CSRNP3: variants seen among roughly 807,000 people sequenced by gnomAD.
CSRNP3 encodes cysteine/serine-rich nuclear protein 3.
In CSRNP3, 12 loss-of-function variants were observed where a neutral mutation model predicts 48.0. That is an observed-to-expected ratio of 0.25 (90% CI 0.16 to 0.41). CSRNP3 has a LOEUF of 0.41. CSRNP3 is among the 10% of genes least tolerant of loss of function. The probability of loss-of-function intolerance (pLI) is 1.00; values close to 1 mark genes in which losing one functional copy is unlikely to be tolerated. For missense variants in CSRNP3, 580 were observed against 724.4 expected, an observed-to-expected ratio of 0.80 and a Z score of 2.29; for synonymous variants, 263 against 269.7, an observed-to-expected ratio of 0.98 and a Z score of 0.24.
rs114436643 is a variant in CSRNP3 at position 165,611,021 on chromosome 2, G to A, written c.148+15808G>A. Among the ~76,000 whole-genome samples, 964 of 152,202 alleles carry A rather than the reference G, an allele frequency of 6.3e-3. 10 individuals are homozygous for A. The highest frequency in any genetic ancestry group is 0.022 in the African/African-American group (930 of 41,508). On this transcript the variant is annotated intron_variant, in intron 4 of 6. Transcript: ENST00000651982. ...CCAAGGCAGATAAATAAGTATTGGC[G>A]TTGGTATTTCTGGAAATTTTTCTGG...
intron 4 of CSRNP3, among the ~76,000 whole-genome samples, chr2:165,646,786 T>C (rs561800833): frequency 6.6e-6 from 1 of 152,290 alleles, no homozygotes; most frequent in South Asian, 2.1e-4. Context: ...GCTTACACCT[T>C]GGACTGCAGC....
At chr2:165,500,440 C>CGT (rs996460669) in intron 2 of CSRNP3, among the ~76,000 whole-genome samples, 2 of 112,216 alleles carry the variant, frequency 1.8e-5, no homozygotes. Flanking sequence ...CACACACACA[C>CGT]GTGTATATAT....
intron 3 of CSRNP3, among the ~76,000 whole-genome samples, chr2:165,527,556 T>C (rs1470391323): frequency 6.6e-6 from 1 of 151,942 alleles, no homozygotes; most frequent in Non-Finnish European, 1.5e-5. Flanking sequence ...GATAATTATA[T>C]ATGTACACAC....
At chr2:165,656,248 A>G (rs545386733) in intron 4 of CSRNP3, among the ~76,000 whole-genome samples, 3 of 152,178 alleles carry the variant, frequency 2.0e-5, no homozygotes, top group Non-Finnish European at 4.4e-5. Context: ...GGTTACTTCA[A>G]TGTAAAATGA....
chr2:165,516,343 T>C (rs752924286), intron 2 of CSRNP3, among the ~76,000 whole-genome samples: 4 of 152,144 alleles, frequency 2.6e-5, no homozygotes, highest in Non-Finnish European at 5.9e-5. Context: ...TTTGAATGTA[T>C]AATGTTCTCA....
chr2:165,509,062 T>C (rs979986364), intron 2 of CSRNP3, among the ~76,000 whole-genome samples: 1 of 152,220 alleles, frequency 6.6e-6, no homozygotes, highest in Non-Finnish European at 1.5e-5. Flanking sequence ...GATAAGATTA[T>C]ACTTTTTCCC....
intron 4 of CSRNP3, among the ~76,000 whole-genome samples, chr2:165,611,549 T>TCACATTTTTAC (rs1277665011): frequency 6.6e-6 from 1 of 152,104 alleles, no homozygotes; most frequent in Non-Finnish European, 1.5e-5. Context: ...CATTTCAACC[T>TCACATTTTTAC]CATGATAAGG....
chr2:165,663,541 T>C (rs1363866115), intron 5 of CSRNP3, among the ~76,000 whole-genome samples: 1 of 152,232 alleles, frequency 6.6e-6, no homozygotes, highest in East Asian at 1.9e-4. Context: ...GCAAATGCAA[T>C]ACATTTAAGA....
intron 4 of CSRNP3, among the ~76,000 whole-genome samples, chr2:165,643,892 AG>A (rs1686769633): frequency 6.6e-6 from 1 of 152,174 alleles, no homozygotes; most frequent in African/African-American, 2.4e-5. Flanking sequence ...ATTTTTTTAT[AG>A]GAAAGTCACT....
At chr2:165,565,479 A>G (rs1228191118) in intron 3 of CSRNP3, among the ~76,000 whole-genome samples, 1 of 152,124 alleles carries the variant, frequency 6.6e-6, no homozygotes, top group Non-Finnish European at 1.5e-5. Flanking sequence ...CAACATGTGT[A>G]TATAACAATC....
In CSRNP3 at chr2:165,474,483, C is replaced by T. The variant is rs189544573; in HGVS notation, c.-283+4743C>T. 1.9e-3 allele frequency among the ~76,000 whole-genome samples: 289 copies of T among 152,202 alleles called. 1 individual carries two copies. The highest frequency in any genetic ancestry group is 2.2e-3 in the Non-Finnish European group (149 of 68,004). On this transcript the variant is annotated intron_variant, in intron 1 of 6. Transcript: ENST00000651982. ...TTCCTTGGCCTATACTCATTTAATT[C>T]ATGTATTACCTTTTCATATTTTAGT...
intron 3 of CSRNP3, among the ~76,000 whole-genome samples, chr2:165,548,510 A>G (rs925572659): frequency 1.3e-5 from 2 of 152,120 alleles, no homozygotes; most frequent in African/African-American, 4.8e-5. Context: ...CTAGGTTTAT[A>G]CAGGAAATAT....
intron 4 of CSRNP3, among the ~76,000 whole-genome samples, chr2:165,611,817 T>A (rs1255022207): frequency 6.6e-6 from 1 of 152,272 alleles, no homozygotes; most frequent in East Asian, 1.9e-4. Flanking sequence ...ACTCTTAATA[T>A]AATGCCTGTC....
chr2:165,533,544 G>T (rs774540603), intron 3 of CSRNP3, among the ~76,000 whole-genome samples: 3 of 152,048 alleles, frequency 2.0e-5, no homozygotes, highest in Non-Finnish European at 4.4e-5. Context: ...AACTTCCAGA[G>T]GTTTATTGAT....
intron 4 of CSRNP3, among the ~76,000 whole-genome samples, chr2:165,598,512 C>G (rs1273084728): frequency 6.6e-6 from 1 of 152,060 alleles, no homozygotes; most frequent in Non-Finnish European, 1.5e-5. Flanking sequence ...AAAATTATAA[C>G]TGTAGTTTAT....
At chr2:165,657,616 C>A in intron 4 of CSRNP3, 145 bp from the exon 5 acceptor site, 1 of 875,082 alleles carries the variant, frequency 1.1e-6, no homozygotes. Flanking sequence ...AACTCTATGC[C>A]AACTCTGGGA....
intron 4 of CSRNP3, among the ~76,000 whole-genome samples, chr2:165,610,508 A>G (rs1286928736): frequency 6.6e-6 from 1 of 152,232 alleles, no homozygotes; most frequent in Admixed American, 6.5e-5. Flanking sequence ...TTCTGATGCC[A>G]TGGCTAATAG....
chr2:165,533,818 A>G (rs767725853), intron 3 of CSRNP3, among the ~76,000 whole-genome samples: 1 of 152,044 alleles, frequency 6.6e-6, no homozygotes, highest in African/African-American at 2.4e-5. Context: ...CGGGACTAGT[A>G]AGAGTATTAA....
intron 4 of CSRNP3, among the ~76,000 whole-genome samples, chr2:165,632,141 A>G (rs1558956576): frequency 6.6e-6 from 1 of 152,212 alleles, no homozygotes. Context: ...TGCTTAGAAT[A>G]TAGCATAGGT....
Sources: allele counts gnomAD v4.1 joint callset (sites outside exome capture counted in the v4.1 genomes callset), GRCh38; gene constraint gnomAD v4.1.1; transcripts MANE v1.5; gene names NCBI Gene and HGNC (gene_info 2026-07-23, HGNC 2026-07-21).